RABGEF1: variants seen among roughly 807,000 people sequenced by gnomAD.
The protein encoded by RABGEF1 is RAB guanine nucleotide exchange factor 1, also known as rab5 GDP/GTP exchange factor.
Under a neutral mutation model 57.3 loss-of-function variants are expected in RABGEF1, and 26 were observed. That is an observed-to-expected ratio of 0.45 (90% CI 0.33 to 0.63). The LOEUF (loss-of-function observed/expected upper bound fraction) is 0.63, where lower values mean the gene tolerates loss of function less well. RABGEF1 is among the 20% of genes least tolerant of loss of function. The pLI, the probability that RABGEF1 is intolerant of heterozygous loss-of-function variation, is 0.02. For synonymous variants in RABGEF1, 185 were observed against 210.7 expected, an observed-to-expected ratio of 0.88 and a Z score of 1.06; for missense variants, 464 against 607.6, an observed-to-expected ratio of 0.76 and a Z score of 2.48.
At chr7:66,745,398 C>T (rs1799966928) in intron 1 of RABGEF1, among the ~76,000 whole-genome samples, 6 of 152,106 alleles carry the variant, frequency 3.9e-5, no homozygotes, top group Admixed American at 3.9e-4. Context: ...TAGGAAATAC[C>T]TGTGTAAACC....
At chr7:66,737,897 AT>A (rs1337911891), upstream of RABGEF1, among the ~76,000 whole-genome samples, 1 of 151,902 alleles carries the variant, frequency 6.6e-6, no homozygotes, top group Non-Finnish European at 1.5e-5. Context: ...TGCCTAGAAC[AT>A]TCTTGCCCAG....
intron 1 of RABGEF1, among the ~76,000 whole-genome samples, chr7:66,707,360 G>GT (rs201062667): frequency 0.011 from 1,712 of 151,630 alleles, 25 homozygotes; most frequent in African/African-American, 0.037. Flanking sequence ...CATACATTCT[G>GT]TTTTTTTTCT....
intron 1 of RABGEF1, among the ~76,000 whole-genome samples, chr7:66,701,454 G>T (rs940114750): frequency 1.7e-4 from 26 of 150,688 alleles, no homozygotes; most frequent in African/African-American, 6.1e-4. Context: ...AGCTGTGATT[G>T]TACCAGCACA....
At chr7:66,683,133 C>G (rs1562688114) in intron 1 of RABGEF1, among the ~76,000 whole-genome samples, 1 of 152,156 alleles carries the variant, frequency 6.6e-6, no homozygotes, top group Non-Finnish European at 1.5e-5. Flanking sequence ...AAATCTAAAA[C>G]TGCTTTGTTT....
At chr7:66,753,193 G>A (rs1801824361) in intron 1 of RABGEF1, among the ~76,000 whole-genome samples, 2 of 152,116 alleles carry the variant, frequency 1.3e-5, no homozygotes, top group African/African-American at 4.8e-5. Context: ...ATTCTAAGTG[G>A]GTTCATAAAT....
intron 1 of RABGEF1, among the ~76,000 whole-genome samples, chr7:66,702,367 G>A (rs563854475): frequency 6.6e-6 from 1 of 151,716 alleles, no homozygotes; most frequent in Admixed American, 6.6e-5. Flanking sequence ...GTGTGTGTGT[G>A]TGTGTGTGTG....
At chr7:66,659,042 G>T in the RABGEF1 span, among the ~76,000 whole-genome samples, 5 of 152,222 alleles carry the variant, frequency 3.3e-5, no homozygotes, top group African/African-American at 9.6e-5. Flanking sequence ...CGGCCGAGAA[G>T]GAAACACTAA....
At chr7:66,688,040 G>C (rs77902179) in intron 1 of RABGEF1, among the ~76,000 whole-genome samples, 1 of 141,046 alleles carries the variant, frequency 7.1e-6, no homozygotes, top group African/African-American at 2.7e-5. Context: ...AGCTGAGATC[G>C]TGTTATTGCA....
chr7:66,656,860 G>T, the RABGEF1 span, among the ~76,000 whole-genome samples: 17,226 of 145,462 alleles, frequency 0.12, 1,168 homozygotes, highest in East Asian at 0.2. Context: ...ATGAGACCAG[G>T]AGTGGCCACA....
At chr7:66,697,862 A>T (rs182583847) in intron 1 of RABGEF1, among the ~76,000 whole-genome samples, 1 of 152,168 alleles carries the variant, frequency 6.6e-6, no homozygotes, top group Admixed American at 6.5e-5. Flanking sequence ...ATGTCCAGGG[A>T]AAAAAGGTCC....
At chr7:66,682,986 T>C (rs113248801) in intron 1 of RABGEF1, among the ~76,000 whole-genome samples, 2,969 of 152,198 alleles carry the variant, frequency 0.02, 46 homozygotes, top group Middle Eastern at 0.041. Context: ...TGACCAATCC[T>C]TGTGGTTGGG....
chr7:66,707,911 CT>C (rs1271813552), intron 1 of RABGEF1, among the ~76,000 whole-genome samples: 2 of 151,984 alleles, frequency 1.3e-5, no homozygotes, highest in African/African-American at 2.4e-5. Context: ...CAATTTTTTT[CT>C]GACATTAATA....
chr7:66,727,033 A>G (rs1213417608), intron 2 of RABGEF1, among the ~76,000 whole-genome samples: 1 of 152,142 alleles, frequency 6.6e-6, no homozygotes, highest in Non-Finnish European at 1.5e-5. Flanking sequence ...TATAATATGG[A>G]CTGTGGAAAT....
intron 1 of RABGEF1, among the ~76,000 whole-genome samples, chr7:66,752,356 A>G (rs182487336): frequency 6.6e-6 from 1 of 152,170 alleles, no homozygotes; most frequent in East Asian, 1.9e-4. Context: ...TTAGCCAGGT[A>G]TGGTGGCGGG....
At chr7:66,801,561 G>A (rs2129182950) in intron 7 of RABGEF1, among the ~76,000 whole-genome samples, 1 of 152,172 alleles carries the variant, frequency 6.6e-6, no homozygotes, top group Non-Finnish European at 1.5e-5. Flanking sequence ...CCCAGCCTCT[G>A]GTAACCATCC....
intron 1 of RABGEF1, among the ~76,000 whole-genome samples, chr7:66,693,232 C>A (rs1331404544): frequency 6.6e-6 from 1 of 152,112 alleles, no homozygotes; most frequent in African/African-American, 2.4e-5. Context: ...TGTCCAGAGC[C>A]GGGCTGAATG....
intron 1 of RABGEF1, among the ~76,000 whole-genome samples, chr7:66,758,681 G>C (rs1803401593): frequency 1.3e-5 from 2 of 151,976 alleles, no homozygotes; most frequent in African/African-American, 4.8e-5. Context: ...CAATCTGGGT[G>C]TGCCGACTCT....
chr7:66,768,456 T>C (rs564257946), intron 1 of RABGEF1, among the ~76,000 whole-genome samples: 11 of 152,246 alleles, frequency 7.2e-5, no homozygotes, highest in South Asian at 2.1e-4. Flanking sequence ...TTGCCAAATA[T>C]GTGATTTGCT....
chr7:66,799,253 G>A (rs1786735555), intron 6 of RABGEF1, 70 bp from the exon 7 acceptor site: 1 of 1,297,958 alleles, frequency 7.7e-7, no homozygotes, highest in East Asian at 2.3e-5. Context: ...TCCCTAAACT[G>A]AAGGAGGTGA....
Sources: gnomAD v4.1 joint callset for allele counts (sites outside exome capture counted in the v4.1 genomes callset) on GRCh38, gnomAD v4.1.1 for gene constraint, MANE v1.5 for transcripts, NCBI Gene and HGNC (gene_info 2026-07-23, HGNC 2026-07-21) for gene names.